The following ITCH variants were observed in gnomAD, a reference collection of about 807,000 sequenced individuals.
ITCH encodes itchy E3 ubiquitin protein ligase.
A neutral mutation model predicts 126.8 loss-of-function variants in ITCH; 28 were observed. The observed-to-expected ratio is 0.22, with a 90% CI of 0.16 to 0.30. The LOEUF is 0.30. Among genes scored for constraint, ITCH ranks in the 10% least tolerant of loss-of-function variants. The pLI is 1.00. For missense variants in ITCH, 631 were observed against 1,032.4 expected (o/e 0.61, Z 5.33); for synonymous variants, 342 against 340.0 (o/e 1.01, Z -0.06).
chr20:34,376,416 C>G (rs1037282000), intron 2 of ITCH, among the ~76,000 whole-genome samples: 1 of 151,644 alleles, frequency 6.6e-6, no homozygotes, highest in African/African-American at 2.4e-5. Context: ...TCACTGCACT[C>G]TAGTCTGGGC....
intron 2 of ITCH, 162 bp downstream of exon 2, chr20:34,369,632 T>G (rs1489294713): frequency 2.6e-6 from 1 of 391,470 alleles, no homozygotes; most frequent in Non-Finnish European, 4.5e-6. Context: ...AAGCTGCCTC[T>G]GCAGGGATTA....
intron 7 of ITCH, among the ~76,000 whole-genome samples, chr20:34,427,137 A>G (rs548628765): frequency 3.3e-5 from 5 of 152,350 alleles, no homozygotes; most frequent in African/African-American, 1.2e-4. Flanking sequence ...AGGAAAATCA[A>G]AGTTTATAAA....
chr20:34,410,022 T>G (rs548732984), intron 4 of ITCH, among the ~76,000 whole-genome samples: 3 of 149,254 alleles, frequency 2.0e-5, no homozygotes, highest in Admixed American at 1.3e-4. Flanking sequence ...GCCTGGGCAA[T>G]GTAGCGAGAC....
intron 3 of ITCH, among the ~76,000 whole-genome samples, chr20:34,406,795 A>G (rs1411942962): frequency 6.6e-6 from 1 of 152,048 alleles, no homozygotes; most frequent in Admixed American, 6.6e-5. Flanking sequence ...CAGTCTCCCA[A>G]AGTGCTGGGA....
At chr20:34,445,559 C>G in intron 11 of ITCH, 98 bp downstream of exon 11, 1 of 1,136,470 alleles carries the variant, frequency 8.8e-7, no homozygotes, top group Non-Finnish European at 1.3e-6. Context: ...GTGCAAGTAG[C>G]ATGGCAACCC....
In ITCH at chr20:34,426,975, C is replaced by T. The variant is rs576858609; in HGVS notation, c.521+2450C>T. ...ATTTTTAGTAGAGACGGGGTTTCACCATGTTGGCCACTATGGTCTCATTCT... is the reference window on the plus strand; with the variant it reads ...ATTTTTAGTAGAGACGGGGTTTCACTATGTTGGCCACTATGGTCTCATTCT... On this transcript the variant is annotated intron_variant, in intron 7 of 24. Coordinates refer to ENST00000374864, the MANE Select transcript of ITCH (RefSeq NM_031483.7). Among the ~76,000 whole-genome samples the T allele has an allele frequency of 2.6e-5, 4 of 151,856 alleles. No homozygotes were observed. In the East Asian group the frequency reaches 5.8e-4, roughly 22 times the overall value.
intron 24 of ITCH, 84 bp downstream of exon 24, chr20:34,504,487 A>T (rs1437189160): frequency 1.1e-6 from 1 of 900,566 alleles, no homozygotes. Context: ...ATTAAAAATG[A>T]TATTTAGTAG....
At chr20:34,411,547 G>GA (rs1440192039) in intron 4 of ITCH, among the ~76,000 whole-genome samples, 1 of 152,132 alleles carries the variant, frequency 6.6e-6, no homozygotes, top group African/African-American at 2.4e-5. Flanking sequence ...TATCCCCTAA[G>GA]AAGAGGAGCA....
intron 11 of ITCH, 150 bp from the exon 12 acceptor site, chr20:34,449,261 T>A: frequency 1.8e-6 from 1 of 562,584 alleles, no homozygotes; most frequent in Non-Finnish European, 3.2e-6. Flanking sequence ...CAAAGTATAT[T>A]GGCATTTATC....
At chr20:34,431,808 G>A (rs1246926834) in intron 7 of ITCH, among the ~76,000 whole-genome samples, 1 of 152,160 alleles carries the variant, frequency 6.6e-6, no homozygotes, top group African/African-American at 2.4e-5. Flanking sequence ...GGGAGGCCAA[G>A]GTGGGCGGAT....
intron 2 of ITCH, among the ~76,000 whole-genome samples, chr20:34,373,441 A>G (rs1190684337): frequency 6.6e-6 from 1 of 151,826 alleles, no homozygotes; most frequent in East Asian, 1.9e-4. Flanking sequence ...ATGGCCAGCT[A>G]ATTTTTATAT....
intron 23 of ITCH, among the ~76,000 whole-genome samples, chr20:34,495,294 A>ATAAAAAATATATATAT (rs1555885663): frequency 8.3e-6 from 1 of 120,528 alleles, no homozygotes; most frequent in African/African-American, 3.1e-5. Flanking sequence ...AAATAAATAA[A>ATAAAAAATATATATAT]ATATATATAT....
chr20:34,424,394 T>C, intron 6 of ITCH, 86 bp from the exon 7 acceptor site: 1 of 959,818 alleles, frequency 1.0e-6, no homozygotes, highest in Non-Finnish European at 1.7e-6. Context: ...AATAAAAGGC[T>C]TTGCTTACAT....
At chr20:34,454,406 G>A (rs1296941437) in intron 12 of ITCH, 1 of 152,100 alleles carries the variant, frequency 6.6e-6, no homozygotes, top group East Asian at 1.9e-4. Context: ...CAAAGTGCTG[G>A]GATTACAGGT....
rs181173759 is a variant in ITCH, at chr20:34,424,075, G to A, written c.476-405G>A. On this transcript the variant is annotated intron_variant, in intron 6 of 24. Coordinates refer to ENST00000374864, the MANE Select transcript of ITCH (RefSeq NM_031483.7). Reference sequence around the variant, plus strand: ...TCCAGGCCCCTGCAATAAGAGAGACGTTATGGGTTTTTCTGTTTCTGGAAT... The same window carrying A: ...TCCAGGCCCCTGCAATAAGAGAGACATTATGGGTTTTTCTGTTTCTGGAAT... 2.9e-4 allele frequency among the ~76,000 whole-genome samples: 44 copies of A among 152,272 alleles called. No individual in the cohort carries two copies. In the East Asian group the frequency reaches 5.6e-3, roughly 19 times the overall value.
chr20:34,447,401 G>A (rs1358702281), intron 11 of ITCH, among the ~76,000 whole-genome samples: 1 of 152,084 alleles, frequency 6.6e-6, no homozygotes, highest in Non-Finnish European at 1.5e-5. Context: ...AAATGATGGG[G>A]TGTTGCTGAG....
chr20:34,481,675 G>A (rs986849092), intron 20 of ITCH, among the ~76,000 whole-genome samples: 2 of 152,124 alleles, frequency 1.3e-5, no homozygotes, highest in Non-Finnish European at 2.9e-5. Flanking sequence ...ATGGATGGCA[G>A]CAGGCAAAGA....
chr20:34,507,993 G>C lies in ITCH; in HGVS notation c.*199G>C. 1.8e-6 allele frequency: 1 copy of C among 548,282 alleles called. No homozygotes were observed. Among genetic ancestry groups the C allele is most frequent in the South Asian group, 2.0e-5 (1 of 50,358 alleles). The allele number at this position is 548,282 out of a possible 1,614,324, so 34.0% of individuals were successfully genotyped here. A position where few individuals can be genotyped will look rare whatever the true frequency, so the allele number is the denominator to read the frequency against. On this transcript the variant is annotated 3_prime_UTR_variant, in exon 25 of 25. Coordinates refer to ENST00000374864, the MANE Select transcript of ITCH (RefSeq NM_031483.7). ...CAGAAATCAGGTCTGCAAATGACTA[G>C]TCAGAACCTTGCTTAACATGAGATT...
chr20:34,381,473 C>T (rs998906916), intron 2 of ITCH, among the ~76,000 whole-genome samples: 2 of 151,920 alleles, frequency 1.3e-5, no homozygotes, highest in Middle Eastern at 3.4e-3. Flanking sequence ...GTCGCCCAGG[C>T]TGGAGTGCAA....
Sources: allele counts gnomAD v4.1 joint callset (sites outside exome capture counted in the v4.1 genomes callset), GRCh38; gene constraint gnomAD v4.1.1; transcripts MANE v1.5; gene names NCBI Gene and HGNC (gene_info 2026-07-23, HGNC 2026-07-21).